The following PRKAG2 variants were observed in gnomAD, a reference collection of about 807,000 sequenced individuals.
PRKAG2 encodes the protein 5'-AMP-activated protein kinase subunit gamma-2.
In PRKAG2, 26 loss-of-function variants were observed where a neutral mutation model predicts 69.6. The ratio of observed to expected loss-of-function variants is 0.37; its 90% CI spans 0.27 to 0.52. PRKAG2 has a LOEUF of 0.52. Among genes scored for constraint, PRKAG2 ranks in the 20% least tolerant of loss-of-function variants. The pLI, the probability that PRKAG2 is intolerant of heterozygous loss-of-function variation, is 0.90. For synonymous variants in PRKAG2, 293 were observed against 285.0 expected, an observed-to-expected ratio of 1.03 and a Z score of -0.28; for missense variants, 557 against 740.0, an observed-to-expected ratio of 0.75 and a Z score of 2.87.
intron 1 of PRKAG2, among the ~76,000 whole-genome samples, chr7:151,787,380 C>T (rs564713981): frequency 6.6e-6 from 1 of 152,048 alleles, no homozygotes; most frequent in African/African-American, 2.4e-5. Context: ...CCCTCCCCCT[C>T]CCCCTAGTGC....
intron 7 of PRKAG2, 122 bp downstream of exon 7, chr7:151,576,249 T>C (rs1165631437): frequency 3.0e-6 from 3 of 1,007,660 alleles, no homozygotes; most frequent in Admixed American, 2.0e-5. Flanking sequence ...CCAGCAAGAA[T>C]GTTCTTTAAC....
At chr7:151,739,693 A>T (rs1395189729) in intron 3 of PRKAG2, among the ~76,000 whole-genome samples, 1 of 151,726 alleles carries the variant, frequency 6.6e-6, no homozygotes, top group Non-Finnish European at 1.5e-5. Flanking sequence ...CTGGTCTCGA[A>T]CTCCTGGCTT....
At chr7:151,800,266 G>A (rs1412885138) in intron 1 of PRKAG2, among the ~76,000 whole-genome samples, 3 of 151,452 alleles carry the variant, frequency 2.0e-5, no homozygotes, top group African/African-American at 7.3e-5. Flanking sequence ...GCTGAGGCAG[G>A]AGAATGGCGT....
intron 6 of PRKAG2, among the ~76,000 whole-genome samples, chr7:151,582,880 T>C (rs1034996405): frequency 1.3e-5 from 2 of 152,234 alleles, no homozygotes; most frequent in Non-Finnish European, 2.9e-5. Context: ...CTAATGGATA[T>C]TTCCTCACAG....
intron 4 of PRKAG2, among the ~76,000 whole-genome samples, chr7:151,646,294 A>G (rs575384105): frequency 6.6e-6 from 1 of 152,348 alleles, no homozygotes; most frequent in South Asian, 2.1e-4. Context: ...CAACAGTATT[A>G]AGTGTTCCAA....
At chr7:151,608,157 C>T (rs530203832) in intron 5 of PRKAG2, among the ~76,000 whole-genome samples, 67 of 152,238 alleles carry the variant, frequency 4.4e-4, no homozygotes, top group African/African-American at 1.5e-3. Flanking sequence ...CAGCGTGGGG[C>T]GGATTCTCCC....
chr7:151,692,809 T>A (rs6953809), intron 3 of PRKAG2, among the ~76,000 whole-genome samples: 34,091 of 151,808 alleles, frequency 0.22, 4,467 homozygotes, highest in African/African-American at 0.36. Flanking sequence ...AGCAGCTGAA[T>A]TCCCTCTCCC....
chr7:151,689,542 G>A (rs961373802), intron 3 of PRKAG2, among the ~76,000 whole-genome samples: 3 of 152,230 alleles, frequency 2.0e-5, no homozygotes, highest in Admixed American at 6.5e-5. Context: ...GCCACGTACA[G>A]CGAAGCAGGA....
chr7:151,559,076 C>T (rs1243656132), intron 15 of PRKAG2: 6 of 985,222 alleles, frequency 6.1e-6, no homozygotes, highest in Non-Finnish European at 7.2e-6. Flanking sequence ...ATAAATCTGC[C>T]CAGAGAAGAG....
intron 3 of PRKAG2, among the ~76,000 whole-genome samples, chr7:151,704,019 G>T (rs904739380): frequency 6.6e-6 from 1 of 151,682 alleles, no homozygotes; most frequent in Non-Finnish European, 1.5e-5. Context: ...CCGAGATTGC[G>T]CCATTGCACT....
At chr7:151,791,117 A>G (rs192170977) in intron 1 of PRKAG2, among the ~76,000 whole-genome samples, 28 of 152,308 alleles carry the variant, frequency 1.8e-4, no homozygotes, top group Admixed American at 1.1e-3. Context: ...GTCCCCTGGC[A>G]CAGATGGCAG....
intron 3 of PRKAG2, among the ~76,000 whole-genome samples, chr7:151,716,743 T>A (rs1270229832): frequency 2.0e-5 from 3 of 152,192 alleles, no homozygotes; most frequent in Non-Finnish European, 4.4e-5. Flanking sequence ...GTGTTTTGAA[T>A]TCCTGAAAGG....
rs573533697 is a variant in PRKAG2 at position 151,560,894 on chromosome 7, C to G, written c.1585-277G>C. Reference sequence around the variant, plus strand: ...CACCAGTGCACTCTAGCTTGGGTGACAGAGTGAGATCCTGTCTCAGAAAAA... The same window carrying G: ...CACCAGTGCACTCTAGCTTGGGTGAGAGAGTGAGATCCTGTCTCAGAAAAA... On this transcript the variant is annotated intron_variant, in intron 14 of 15. Coordinates refer to ENST00000287878, the MANE Select transcript of PRKAG2 (RefSeq NM_016203.4). 2.0e-5 allele frequency among the ~76,000 whole-genome samples: 3 copies of G among 152,154 alleles called. No individual in the cohort carries two copies. The South Asian group carries it at 6.2e-4, about 32-fold the overall frequency.
intron 1 of PRKAG2, chr7:151,809,401 C>T (rs1413782454): frequency 5.4e-6 from 2 of 369,730 alleles, no homozygotes; most frequent in African/African-American, 2.1e-5. Context: ...CTCCACCTGG[C>T]GAGCTTCGAG....
chr7:151,570,041 G>A (rs1807181913), intron 10 of PRKAG2, 130 bp downstream of exon 10: 1 of 1,071,100 alleles, frequency 9.3e-7, no homozygotes. Flanking sequence ...TGCGTACAGT[G>A]TAGCTGGAAT....
chr7:151,675,359 T>C (rs1832747143), intron 4 of PRKAG2, 61 bp downstream of exon 4: 4 of 1,506,482 alleles, frequency 2.7e-6, no homozygotes, highest in Non-Finnish European at 3.7e-6. Flanking sequence ...CTTGGGGCAA[T>C]AACTGCTCTG....
chr7:151,782,607 G>T lies in PRKAG2; in HGVS notation c.187-1176C>A, dbSNP rs537143659. ...CGTGCCCGCAGCCGTGTTCCTGCTG[G>T]ATGCGTGGAGGAGCTCCTGCCCTGC... On this transcript the variant is annotated intron_variant, in intron 2 of 15. Coordinates refer to ENST00000287878, the MANE Select transcript of PRKAG2 (RefSeq NM_016203.4). Among the ~76,000 whole-genome samples the T allele has an allele frequency of 2.0e-5, 3 of 152,328 alleles. No homozygotes were observed. The South Asian group carries it at 6.2e-4, about 32-fold the overall frequency.
rs1825037359 is a variant in PRKAG2, at chr7:151,632,902, A to G, written c.685-764T>C. On this transcript the variant is annotated intron_variant, in intron 4 of 15. Coordinates refer to ENST00000287878, the MANE Select transcript of PRKAG2 (RefSeq NM_016203.4). The surrounding 1 kb of genome is among the most constrained non-coding windows in gnomAD (Gnocchi z 4.2). ...GGGAGCCGCTGCCAAAAACGTACAC[A>G]CCCTGAATCTGGCCCTGGCCGCTCA... 1 of 150,008 alleles carries G rather than the reference A, an allele frequency of 6.7e-6. No homozygotes were observed. The highest frequency in any genetic ancestry group is 2.5e-5 in the African/African-American group (1 of 40,620). The allele number at this position is 150,008 out of a possible 1,614,324, so 9.3% of individuals were successfully genotyped here.
chr7:151,814,466 T>A lies in PRKAG2; in HGVS notation c.115-27925A>T. The A allele has an allele frequency of 8.1e-7, 1 of 1,230,524 alleles. No homozygotes were observed. The highest frequency in any genetic ancestry group is 1.0e-6 in the Non-Finnish European group (1 of 987,742). 76.2% of individuals were successfully genotyped at this position (1,230,524 alleles called of 1,614,324 possible). ...TTCTCTTCCAGATGCTAATAAGCAG[T>A]GCAGGCTTGTAAGCTGCTGGATGGC... On this transcript the variant is annotated intron_variant, in intron 1 of 15. Coordinates refer to ENST00000287878, the MANE Select transcript of PRKAG2 (RefSeq NM_016203.4). This position sits in a 1 kb window ranked among gnomAD's most constrained non-coding sequence, Gnocchi z 4.8.
Sources: gnomAD v4.1 joint callset for allele counts (sites outside exome capture counted in the v4.1 genomes callset) on GRCh38, gnomAD v4.1.1 for gene constraint, Gnocchi (gnomAD v3.1) non-coding constraint, MANE v1.5 for transcripts, NCBI Gene and HGNC (gene_info 2026-07-23, HGNC 2026-07-21) for gene names.